STXBP5L: variants seen among roughly 807,000 people sequenced by gnomAD.
The protein encoded by STXBP5L is syntaxin binding protein 5L.
STXBP5L carries 65 observed loss-of-function variants against 144.5 expected under a neutral mutation model. That is an observed-to-expected ratio of 0.45 (90% confidence interval 0.37 to 0.55). The LOEUF is 0.55. Ranked by LOEUF, STXBP5L falls within the 20% of genes least tolerant of loss-of-function variation. STXBP5L has a pLI of 0.00. For synonymous variants in STXBP5L, 505 were observed against 469.6 expected, an observed-to-expected ratio of 1.08 and a Z score of -0.97; for missense variants, 1,298 against 1,405.5, an observed-to-expected ratio of 0.92 and a Z score of 1.22.
intron 19 of STXBP5L, among the ~76,000 whole-genome samples, chr3:121,292,121 G>A (rs991158649): frequency 1.3e-5 from 2 of 152,082 alleles, no homozygotes; most frequent in African/African-American, 2.4e-5. Flanking sequence ...AACCCACAGA[G>A]TGGGAGAAAA....
intron 7 of STXBP5L, among the ~76,000 whole-genome samples, chr3:121,132,116 C>T (rs1027697274): frequency 1.3e-5 from 2 of 152,202 alleles, no homozygotes; most frequent in Admixed American, 1.3e-4. Context: ...GCACTGACAG[C>T]TCTGAAACAG....
chr3:121,250,839 G>A, intron 15 of STXBP5L, 76 bp downstream of exon 15: 2 of 1,305,196 alleles, frequency 1.5e-6, no homozygotes, highest in South Asian at 1.3e-5. Flanking sequence ...TTTTTAGTTT[G>A]GGCAATTAAA....
At chr3:121,150,544 T>C (rs2045895346) in intron 7 of STXBP5L, among the ~76,000 whole-genome samples, 2 of 151,122 alleles carry the variant, frequency 1.3e-5, no homozygotes, top group Non-Finnish European at 2.9e-5. Context: ...AGGTTCAGTA[T>C]GTTATATTTT....
intron 20 of STXBP5L, among the ~76,000 whole-genome samples, chr3:121,373,403 G>A (rs1225151065): frequency 1.3e-5 from 2 of 152,186 alleles, no homozygotes; most frequent in Non-Finnish European, 2.9e-5. Context: ...TTTCAGGGAG[G>A]GAATTCGTGC....
chr3:121,303,272 A>G (rs1380389364), intron 19 of STXBP5L, among the ~76,000 whole-genome samples: 1 of 151,956 alleles, frequency 6.6e-6, no homozygotes, highest in South Asian at 2.1e-4. Context: ...AAGACACATG[A>G]AAAAATGCTC....
chr3:121,104,548 G>A (rs1035380585), intron 5 of STXBP5L, among the ~76,000 whole-genome samples: 2 of 151,864 alleles, frequency 1.3e-5, no homozygotes, highest in African/African-American at 4.8e-5. Context: ...ATAAAAATAG[G>A]CATGTAGGGA....
intron 9 of STXBP5L, among the ~76,000 whole-genome samples, chr3:121,169,495 A>G (rs2046626539): frequency 1.3e-5 from 2 of 152,222 alleles, no homozygotes; most frequent in South Asian, 4.1e-4. Flanking sequence ...ATGGAGGAAT[A>G]TTTACCAAGC....
intron 9 of STXBP5L, among the ~76,000 whole-genome samples, chr3:121,188,418 AC>A (rs2047491559): frequency 6.6e-6 from 1 of 151,950 alleles, no homozygotes. Flanking sequence ...AAACTGAACA[AC>A]CTGCTCCTGA....
intron 15 of STXBP5L, among the ~76,000 whole-genome samples, chr3:121,251,921 CT>C (rs1308482567): frequency 6.6e-6 from 1 of 152,192 alleles, no homozygotes; most frequent in Non-Finnish European, 1.5e-5. Context: ...TAAAAAGCAA[CT>C]GCCTAAAGAG....
intron 9 of STXBP5L, among the ~76,000 whole-genome samples, chr3:121,161,341 T>G (rs2046315826): frequency 6.6e-6 from 1 of 151,902 alleles, no homozygotes. Context: ...TTTAAGGTGA[T>G]GAACACTTTA....
At chr3:121,388,685 T>A (rs2046492648) in intron 22 of STXBP5L, among the ~76,000 whole-genome samples, 1 of 152,176 alleles carries the variant, frequency 6.6e-6, no homozygotes, top group African/African-American at 2.4e-5. Flanking sequence ...GTTTATGTGA[T>A]GGGTACGTTT....
chr3:120,932,817 G>C (rs536570114), intron 2 of STXBP5L, among the ~76,000 whole-genome samples: 13 of 151,898 alleles, frequency 8.6e-5, no homozygotes, highest in African/African-American at 3.1e-4. Context: ...ACAATGATAG[G>C]CTGGATTAAG....
At chr3:121,132,378 G>A (rs937911680) in intron 7 of STXBP5L, among the ~76,000 whole-genome samples, 5 of 152,160 alleles carry the variant, frequency 3.3e-5, no homozygotes, top group Non-Finnish European at 2.9e-5. Flanking sequence ...GAGAACCAAG[G>A]TGGTGGCTTG....
chr3:121,103,481 A>C (rs2043536393), intron 5 of STXBP5L, among the ~76,000 whole-genome samples: 1 of 152,074 alleles, frequency 6.6e-6, no homozygotes, highest in Admixed American at 6.6e-5. Flanking sequence ...CATCGGAGCT[A>C]AACATTGGAT....
At chr3:121,162,097 C>G (rs1056295318) in intron 9 of STXBP5L, among the ~76,000 whole-genome samples, 3 of 151,988 alleles carry the variant, frequency 2.0e-5, no homozygotes, top group Non-Finnish European at 2.9e-5. Flanking sequence ...GATCACAGCA[C>G]CCACAAGAAT....
At chr3:120,991,018 G>A (rs1204940135) in intron 3 of STXBP5L, among the ~76,000 whole-genome samples, 1 of 151,996 alleles carries the variant, frequency 6.6e-6, no homozygotes, top group Non-Finnish European at 1.5e-5. Context: ...CACAGCAAAA[G>A]AAACTACCAT....
chr3:121,136,853 A>G (rs560358904), intron 7 of STXBP5L, among the ~76,000 whole-genome samples: 2 of 152,344 alleles, frequency 1.3e-5, no homozygotes, highest in African/African-American at 2.4e-5. Flanking sequence ...GGTGGACTGG[A>G]TGAAGAAAAT....
At chr3:121,220,884 G>T (rs1330297162) in intron 10 of STXBP5L, among the ~76,000 whole-genome samples, 1 of 151,958 alleles carries the variant, frequency 6.6e-6, no homozygotes, top group Non-Finnish European at 1.5e-5. Flanking sequence ...CTTCATCAAG[G>T]TTGTTGTGAG....
At chr3:121,120,084 C>T (rs891970088) in intron 6 of STXBP5L, among the ~76,000 whole-genome samples, 2 of 151,260 alleles carry the variant, frequency 1.3e-5, no homozygotes, top group African/African-American at 4.8e-5. Context: ...ATAGTACAGG[C>T]TCTAAGAAAT....
Sources: allele counts gnomAD v4.1 joint callset (sites outside exome capture counted in the v4.1 genomes callset), GRCh38; gene constraint gnomAD v4.1.1; transcripts MANE v1.5; gene names NCBI Gene and HGNC (gene_info 2026-07-23, HGNC 2026-07-21).